The following MELK variants were observed in gnomAD, a reference collection of about 807,000 sequenced individuals.
The protein encoded by MELK is pEg3 kinase.
MELK carries 81 observed loss-of-function variants against 85.0 expected under a neutral mutation model. That is an observed-to-expected ratio of 0.95 (90% CI 0.80 to 1.15). The LOEUF is 1.15. Ranked by LOEUF, MELK falls within the 50% of genes most tolerant of loss-of-function variation. The pLI is 0.00. For synonymous variants in MELK, 252 were observed against 265.0 expected (o/e 0.95, Z 0.48); for missense variants, 754 against 777.5 (o/e 0.97, Z 0.36).
chr9:36,594,743 A>C lies in MELK; in HGVS notation c.377A>C (p.Gln126Pro). Residue 126 changes from glutamine (Q) to proline (P), a missense_variant, in exon 5 of 18, where the codon CAG (glutamine) becomes CCG (proline). Physicochemically the swap from Gln to Pro is moderately conservative, Grantham distance 76. Transcript: ENST00000298048. ...TCTGCTGTTGCTTATGTGCACAGCC[A>C]GGGCTATGCTCACAGGGACCTCAAG... ...IVSAVAYVHSQGYAHRDLKPE... is the reference protein window; with the variant it reads ...IVSAVAYVHSPGYAHRDLKPE... 6.2e-7 allele frequency: 1 copy of C among 1,614,070 alleles called. No homozygotes were observed. Among genetic ancestry groups the C allele is most frequent in the Non-Finnish European group, 8.5e-7 (1 of 1,180,016 alleles).
At chr9:36,583,834 C>G in intron 3 of MELK, 122 bp downstream of exon 3, 2 of 672,488 alleles carry the variant, frequency 3.0e-6, no homozygotes, top group Non-Finnish European at 4.8e-6. Flanking sequence ...TTTTAAAAAA[C>G]GTATAGATCT....
At chr9:36,644,232 TGTGTG>T in intron 11 of MELK, among the ~76,000 whole-genome samples, 1 of 151,644 alleles carries the variant, frequency 6.6e-6, no homozygotes, top group Non-Finnish European at 1.5e-5. Context: ...TGTGTGTGTG[TGTGTG>T]TGTGTGTGTG....
intron 8 of MELK, among the ~76,000 whole-genome samples, chr9:36,627,853 G>A (rs540342208): frequency 6.6e-6 from 1 of 150,382 alleles, no homozygotes; most frequent in African/African-American, 2.4e-5. Context: ...TTTATCCCTT[G>A]CCAGGGCACC....
intron 14 of MELK, among the ~76,000 whole-genome samples, chr9:36,666,414 A>G (rs1169711434): frequency 6.6e-6 from 1 of 152,204 alleles, no homozygotes; most frequent in East Asian, 1.9e-4. Context: ...CATAGTACAC[A>G]GTACTAGACC....
At chr9:36,676,702 G>A (rs1833380185) in intron 17 of MELK, among the ~76,000 whole-genome samples, 1 of 152,162 alleles carries the variant, frequency 6.6e-6, no homozygotes, top group Non-Finnish European at 1.5e-5. Flanking sequence ...CTTTCTGACA[G>A]GTTACTGGCT....
chr9:36,628,904 C>T (rs1322934422), intron 8 of MELK, among the ~76,000 whole-genome samples: 1 of 144,022 alleles, frequency 6.9e-6, no homozygotes, highest in Non-Finnish European at 1.5e-5. Flanking sequence ...CGTTCTGTCG[C>T]CCAGGCTAGA....
At chr9:36,614,443 T>TTA (rs1554722238) in intron 8 of MELK, among the ~76,000 whole-genome samples, 46 of 129,894 alleles carry the variant, frequency 3.5e-4, no homozygotes, top group Admixed American at 8.5e-4. Flanking sequence ...TTTTTTTTTT[T>TTA]AATTTATTTT....
intron 1 of MELK, among the ~76,000 whole-genome samples, chr9:36,580,089 C>A (rs1326684890): frequency 6.7e-6 from 1 of 148,910 alleles, no homozygotes; most frequent in Non-Finnish European, 1.5e-5. Context: ...GCTCCGTTGC[C>A]CAGGCTGGAG....
intron 11 of MELK, among the ~76,000 whole-genome samples, chr9:36,644,252 T>TGTGTG (rs1830032419): frequency 1.5e-5 from 2 of 137,728 alleles, no homozygotes; most frequent in African/African-American, 5.3e-5. Context: ...TGTGTGTGTG[T>TGTGTG]TTTAAGAGAT....
At chr9:36,660,402 C>G (rs925199385) in intron 13 of MELK, among the ~76,000 whole-genome samples, 2 of 151,982 alleles carry the variant, frequency 1.3e-5, no homozygotes, top group South Asian at 4.2e-4. Flanking sequence ...ACTGCAGCCT[C>G]GACCTCCTGG....
chr9:36,642,011 G>C (rs888378134), intron 10 of MELK, among the ~76,000 whole-genome samples: 1 of 152,084 alleles, frequency 6.6e-6, no homozygotes, highest in Admixed American at 6.6e-5. Flanking sequence ...GGCTATTCCT[G>C]ATTCCTGCCT....
rs199663439 is a variant in MELK at position 36,583,725 on chromosome 9, T to C, written c.144+13T>C. On this transcript the variant is annotated intron_variant, in intron 3 of 17. Transcript: ENST00000298048. ...AAACACACTAGGGGTAAGTTTAGAT[T>C]TATTTAAAAAATAGTCCACTTATAG... 1,169 of 1,572,880 alleles carry C rather than the reference T, an allele frequency of 7.4e-4. No individual in the cohort carries two copies. The highest frequency in any genetic ancestry group is 9.2e-4 in the Non-Finnish European group (1,053 of 1,145,260).
chr9:36,664,863 ATGT>A (rs1348875439), intron 13 of MELK, among the ~76,000 whole-genome samples: 2 of 152,294 alleles, frequency 1.3e-5, no homozygotes, highest in Admixed American at 1.3e-4. Context: ...ATTCATTCTC[ATGT>A]TTTTAGTTTG....
chr9:36,616,385 C>CTTTTTTTTTTTT (rs1564166555), intron 8 of MELK, among the ~76,000 whole-genome samples: 7 of 120,288 alleles, frequency 5.8e-5, no homozygotes, highest in African/African-American at 2.4e-4. Context: ...GCATGTCAAA[C>CTTTTTTTTTTTT]TCTTTTTTTT....
At chr9:36,583,763 A>G in intron 3 of MELK, 51 bp downstream of exon 3, 2 of 1,279,920 alleles carry the variant, frequency 1.6e-6, no homozygotes, top group East Asian at 4.7e-5. Flanking sequence ...CAGTTTCGTG[A>G]ATTAAAACCT....
intron 11 of MELK, among the ~76,000 whole-genome samples, chr9:36,647,929 C>T (rs1019331953): frequency 2.6e-5 from 4 of 152,028 alleles, no homozygotes; most frequent in African/African-American, 9.7e-5. Context: ...ATACTATGAT[C>T]GTGGCCATCT....
At chr9:36,586,797 T>C (rs1237382476) in intron 3 of MELK, among the ~76,000 whole-genome samples, 3 of 152,216 alleles carry the variant, frequency 2.0e-5, no homozygotes, top group Non-Finnish European at 4.4e-5. Context: ...TCTGTTGTTA[T>C]TATGCTCATT....
At chr9:36,648,070 G>A (rs1262567851) in intron 11 of MELK, among the ~76,000 whole-genome samples, 4 of 152,116 alleles carry the variant, frequency 2.6e-5, no homozygotes, top group Non-Finnish European at 4.4e-5. Context: ...CTTTTGTAGG[G>A]CAGATAGCCC....
chr9:36,621,534 C>T (rs1010807987), intron 8 of MELK, among the ~76,000 whole-genome samples: 4 of 152,070 alleles, frequency 2.6e-5, no homozygotes, highest in African/African-American at 9.7e-5. Flanking sequence ...TATAAGGTCA[C>T]ACAGCTAGTA....
Sources: allele counts gnomAD v4.1 joint callset (sites outside exome capture counted in the v4.1 genomes callset), GRCh38; gene constraint gnomAD v4.1.1; transcripts MANE v1.5; gene names NCBI Gene and HGNC (gene_info 2026-07-23, HGNC 2026-07-21).